The following CSMD1 variants were observed in gnomAD, a reference collection of about 807,000 sequenced individuals.
CSMD1 encodes the protein CUB and sushi domain-containing protein 1.
In CSMD1, 213 loss-of-function variants were observed where a neutral mutation model predicts 417.5. The observed-to-expected ratio is 0.51, with a 90% CI of 0.46 to 0.57. CSMD1 has a LOEUF of 0.57. CSMD1 is among the 20% of genes least tolerant of loss of function. The pLI, the probability that CSMD1 is intolerant of heterozygous loss-of-function variation, is 0.00. For synonymous variants in CSMD1, 2,862 were observed against 1,736.8 expected, an observed-to-expected ratio of 1.65 and a Z score of -16.11; for missense variants, 6,923 against 4,529.7, an observed-to-expected ratio of 1.53 and a Z score of -15.17.
At chr8:4,190,080 A>C (rs6988224) in intron 3 of CSMD1, among the ~76,000 whole-genome samples, 119,583 of 151,366 alleles carry the variant, frequency 0.79, 47,468 homozygotes, top group South Asian at 0.86. Context: ...AACATGGTGA[A>C]ACCCCATCTC....
chr8:4,688,144 G>C (rs553971895), intron 1 of CSMD1, among the ~76,000 whole-genome samples: 1 of 152,124 alleles, frequency 6.6e-6, no homozygotes, highest in East Asian at 1.9e-4. Flanking sequence ...TGATTCTAAG[G>C]TTCTAAGGTA....
intron 5 of CSMD1, among the ~76,000 whole-genome samples, chr8:3,925,822 C>T (rs2204223): frequency 6.6e-6 from 1 of 151,858 alleles, no homozygotes; most frequent in Non-Finnish European, 1.5e-5. Context: ...GCATTAAAAC[C>T]AACTAATACG....
chr8:3,986,939 T>C (rs956911885), intron 5 of CSMD1, among the ~76,000 whole-genome samples: 13 of 152,004 alleles, frequency 8.6e-5, no homozygotes, highest in Admixed American at 3.3e-4. Flanking sequence ...ATTTTTAGTA[T>C]ACAGGGCGTT....
intron 7 of CSMD1, among the ~76,000 whole-genome samples, chr8:3,684,168 ATATT>A (rs1799813303): frequency 7.1e-6 from 1 of 141,114 alleles, no homozygotes; most frequent in South Asian, 2.2e-4. Flanking sequence ...TATATAATAT[ATATT>A]TACATGTTAC....
Position 4,826,132 on chromosome 8 carries a change from C to T in CSMD1, c.85+168200G>A, listed in dbSNP as rs541185526. Reference sequence around the variant, plus strand: ...CACATGATTCAGAAATGTCAGTTCTCGGTATATATCCAACAGAATTCAAAT... The same window carrying T: ...CACATGATTCAGAAATGTCAGTTCTTGGTATATATCCAACAGAATTCAAAT... On this transcript the variant is annotated intron_variant, in intron 1 of 69. Coordinates refer to ENST00000635120, the MANE Select transcript of CSMD1 (RefSeq NM_033225.6). Among the ~76,000 whole-genome samples the T allele has an allele frequency of 2.6e-5, 4 of 152,050 alleles. No homozygotes were observed. In the East Asian group the frequency reaches 5.8e-4, roughly 22 times the overall value.
intron 3 of CSMD1, among the ~76,000 whole-genome samples, chr8:4,145,741 A>G (rs1047575128): frequency 4.0e-5 from 6 of 151,016 alleles, no homozygotes; most frequent in African/African-American, 1.2e-4. Context: ...CCAAGGAACC[A>G]AAGTCAACAC....
rs1328621034 is a variant in CSMD1, at chr8:4,962,196, T to TA, written c.85+32135_85+32136insT. 5.8e-3 allele frequency among the ~76,000 whole-genome samples: 826 copies of TA among 143,272 alleles called. 16 individuals carry two copies. The highest frequency in any genetic ancestry group is 0.044 in the Admixed American group (633 of 14,364). 94.0% of individuals were successfully genotyped at this position (143,272 alleles called of 152,430 possible). A position where few individuals can be genotyped will look rare whatever the true frequency, so the allele number is the denominator to read the frequency against. On this transcript the variant is annotated intron_variant, in intron 1 of 69. Coordinates refer to ENST00000635120, the MANE Select transcript of CSMD1 (RefSeq NM_033225.6). ...ATAAATGTAAATTTCTGCTTTTTTT[T>TA]TAAAAAAAAAAGAAAAAAACAAATA...
rs150147981 is a variant in CSMD1 at position 4,678,610 on chromosome 8, C to T, written c.86-41052G>A. 5.4e-3 allele frequency among the ~76,000 whole-genome samples: 826 copies of T among 152,226 alleles called. 9 individuals are homozygous for T. The highest frequency in any genetic ancestry group is 0.017 in the African/African-American group (725 of 41,540). ...AAGTGAAGAAATAAATTACAATATG[C>T]ATTTACATTACTACTAAAAACATGT... On this transcript the variant is annotated intron_variant, in intron 1 of 69. Transcript: ENST00000635120.
At chr8:3,696,997 G>C (rs1366542236) in intron 7 of CSMD1, among the ~76,000 whole-genome samples, 15 of 152,148 alleles carry the variant, frequency 9.9e-5, no homozygotes. Context: ...CCAGGATCCA[G>C]TAGGTCATGG....
At chr8:4,767,519 C>A (rs962123876) in intron 1 of CSMD1, among the ~76,000 whole-genome samples, 2 of 152,146 alleles carry the variant, frequency 1.3e-5, no homozygotes, top group African/African-American at 2.4e-5. Flanking sequence ...AACTTACCCC[C>A]ACATGGATTA....
rs1199675747 is a variant in CSMD1 at position 4,267,191 on chromosome 8, A to C, written c.415+152762T>G. Among the ~76,000 whole-genome samples, 2 of 104,328 alleles carry C rather than the reference A, an allele frequency of 1.9e-5. 1 individual carries two copies. The highest frequency in any genetic ancestry group is 5.2e-5 in the African/African-American group (2 of 38,484). 68.4% of individuals were successfully genotyped at this position (104,328 alleles called of 152,430 possible). A position where few individuals can be genotyped will look rare whatever the true frequency, so the allele number is the denominator to read the frequency against. On this transcript the variant is annotated intron_variant, in intron 3 of 69. Transcript: ENST00000635120. ...AGATAATATTCATTAATTCCAAAAA[A>C]TGCACAACAAAAGAATCCATTAACA...
intron 3 of CSMD1, among the ~76,000 whole-genome samples, chr8:4,413,131 A>C (rs532114940): frequency 1.3e-5 from 2 of 152,302 alleles, no homozygotes; most frequent in South Asian, 4.1e-4. Flanking sequence ...GGATATATAG[A>C]ATATGGACAG....
intron 3 of CSMD1, among the ~76,000 whole-genome samples, chr8:4,051,008 G>A (rs1798396088): frequency 1.3e-5 from 2 of 152,088 alleles, no homozygotes; most frequent in African/African-American, 4.8e-5. Context: ...CTTTTAAGGA[G>A]GAAGGAGCCA....
At chr8:3,118,277 T>C (rs796116110) in intron 42 of CSMD1, 122 bp downstream of exon 42, 7 of 731,888 alleles carry the variant, frequency 9.6e-6, no homozygotes, top group Admixed American at 3.0e-5. Flanking sequence ...TAAAACATAA[T>C]AGATTCTCAA....
intron 1 of CSMD1, among the ~76,000 whole-genome samples, chr8:4,811,754 C>G (rs894650134): frequency 3.3e-5 from 5 of 151,976 alleles, no homozygotes; most frequent in Non-Finnish European, 7.4e-5. Flanking sequence ...CTTTTAGTCT[C>G]TTTCAAACAT....
intron 1 of CSMD1, among the ~76,000 whole-genome samples, chr8:4,967,310 CCTT>C (rs1279779492): frequency 1.3e-5 from 2 of 152,064 alleles, no homozygotes; most frequent in Non-Finnish European, 2.9e-5. Context: ...TTTAAGTTGT[CCTT>C]CTCTGAACAA....
intron 3 of CSMD1, among the ~76,000 whole-genome samples, chr8:4,119,176 GC>G (rs1273005798): frequency 2.0e-5 from 3 of 152,042 alleles, no homozygotes; most frequent in African/African-American, 7.2e-5. Flanking sequence ...TTTGATAGGT[GC>G]AGCAAACCAT....
chr8:4,709,969 T>C (rs1312907928), intron 1 of CSMD1, among the ~76,000 whole-genome samples: 4 of 152,182 alleles, frequency 2.6e-5, no homozygotes, highest in African/African-American at 9.7e-5. Flanking sequence ...ATCAGGTCGA[T>C]TTAGAAATTT....
At chr8:3,556,516 G>GCACACACACA (rs71708244) in intron 10 of CSMD1, among the ~76,000 whole-genome samples, 3 of 137,666 alleles carry the variant, frequency 2.2e-5, no homozygotes, top group Admixed American at 7.2e-5. Flanking sequence ...TTTTTCACAC[G>GCACACACACA]CACACACACA....
Sources: gnomAD v4.1 joint callset for allele counts (sites outside exome capture counted in the v4.1 genomes callset) on GRCh38, gnomAD v4.1.1 for gene constraint, MANE v1.5 for transcripts, NCBI Gene and HGNC (gene_info 2026-07-23, HGNC 2026-07-21) for gene names.